NALF1: variants seen among roughly 807,000 people sequenced by gnomAD.
NALF1 encodes NALCN channel auxiliary factor 1, also known as family with sequence similarity 155 member A.
In NALF1, 3 loss-of-function variants were observed where a neutral mutation model predicts 48.4. That is an observed-to-expected ratio of 0.06 (90% CI 0.03 to 0.16). The LOEUF is 0.16. NALF1 is among the 10% of genes least tolerant of loss of function. The pLI is 1.00. For synonymous variants in NALF1, 262 were observed against 245.7 expected (o/e 1.07, Z -0.62); for missense variants, 526 against 571.5 (o/e 0.92, Z 0.81).
At chr13:107,723,818 C>T (rs1341613) in intron 1 of NALF1, among the ~76,000 whole-genome samples, 145,387 of 152,316 alleles carry the variant, frequency 0.95, 69,531 homozygotes, top group East Asian at 1. Flanking sequence ...ACAACTTTTA[C>T]CTAATTTTTT....
chr13:107,384,506 T>A (rs536538478), intron 1 of NALF1, among the ~76,000 whole-genome samples: 126 of 152,308 alleles, frequency 8.3e-4, no homozygotes, highest in African/African-American at 3.0e-3. Flanking sequence ...TGGTTTTTTT[T>A]ATTTTTTTGC....
chr13:107,710,390 C>T (rs1385490522), intron 1 of NALF1, among the ~76,000 whole-genome samples: 1 of 129,138 alleles, frequency 7.7e-6, no homozygotes, highest in Non-Finnish European at 1.7e-5. Context: ...CCCAGGAGAC[C>T]AGGTGTTCTG....
intron 1 of NALF1, among the ~76,000 whole-genome samples, chr13:107,226,023 G>A (rs1880096295): frequency 6.6e-6 from 1 of 151,958 alleles, no homozygotes; most frequent in East Asian, 1.9e-4. Flanking sequence ...CTTTTTTTTA[G>A]AACTATGGCT....
At chr13:107,531,846 T>C (rs1478665963) in intron 1 of NALF1, among the ~76,000 whole-genome samples, 1 of 152,170 alleles carries the variant, frequency 6.6e-6, no homozygotes, top group East Asian at 1.9e-4. Context: ...ATGTGAAGTA[T>C]TATCTACTGA....
intron 1 of NALF1, among the ~76,000 whole-genome samples, chr13:107,314,338 T>G (rs1882102763): frequency 6.6e-6 from 1 of 152,270 alleles, no homozygotes; most frequent in Middle Eastern, 3.4e-3. Context: ...TTCCATTTTT[T>G]CCTTGCCTTA....
chr13:107,818,125 T>C (rs1353143277), intron 1 of NALF1, among the ~76,000 whole-genome samples: 1 of 152,156 alleles, frequency 6.6e-6, no homozygotes, highest in Non-Finnish European at 1.5e-5. Context: ...TATGATGGCA[T>C]CGGAGGGACA....
At chr13:107,303,890 G>C (rs1881885815) in intron 1 of NALF1, among the ~76,000 whole-genome samples, 1 of 151,988 alleles carries the variant, frequency 6.6e-6, no homozygotes, top group Non-Finnish European at 1.5e-5. Flanking sequence ...AACTATGTCT[G>C]AAAGTATTTC....
chr13:107,531,716 T>C (rs1175454898), intron 1 of NALF1, among the ~76,000 whole-genome samples: 2 of 152,102 alleles, frequency 1.3e-5, no homozygotes, highest in African/African-American at 4.8e-5. Context: ...TCCACTTTTA[T>C]CTCAGTATGC....
chr13:107,843,907 G>A (rs574308006), intron 1 of NALF1, among the ~76,000 whole-genome samples: 12 of 152,236 alleles, frequency 7.9e-5, no homozygotes, highest in African/African-American at 1.9e-4. Flanking sequence ...TAACATAGAC[G>A]TTGCCCCTAA....
intron 1 of NALF1, among the ~76,000 whole-genome samples, chr13:107,803,932 T>C (rs1878695158): frequency 6.6e-6 from 1 of 152,170 alleles, no homozygotes; most frequent in Admixed American, 6.5e-5. Context: ...GCTTCTATTA[T>C]TTCGGCCCAA....
At chr13:107,255,638 T>A (rs1399647790) in intron 1 of NALF1, among the ~76,000 whole-genome samples, 2 of 152,246 alleles carry the variant, frequency 1.3e-5, no homozygotes, top group Non-Finnish European at 2.9e-5. Flanking sequence ...ACATTTATCA[T>A]GTTCTCAACA....
At chr13:107,688,263 G>C (rs936457302) in intron 1 of NALF1, among the ~76,000 whole-genome samples, 1 of 152,056 alleles carries the variant, frequency 6.6e-6, no homozygotes, top group Non-Finnish European at 1.5e-5. Flanking sequence ...TATTACATGT[G>C]GCCCCAAGTG....
chr13:107,636,244 C>G (rs911459829), intron 1 of NALF1, among the ~76,000 whole-genome samples: 15 of 152,072 alleles, frequency 9.9e-5, no homozygotes, highest in Non-Finnish European at 2.1e-4. Flanking sequence ...ATCCATTACC[C>G]AGAATAACTT....
At chr13:107,767,535 C>T (rs555634469) in intron 1 of NALF1, among the ~76,000 whole-genome samples, 152 of 152,222 alleles carry the variant, frequency 1.0e-3, no homozygotes, top group Non-Finnish European at 2.0e-3. Context: ...AATTAGAAGA[C>T]GACTGTATAC....
chr13:107,805,232 A>T (rs1441071214), intron 1 of NALF1, among the ~76,000 whole-genome samples: 1 of 152,208 alleles, frequency 6.6e-6, no homozygotes, highest in Non-Finnish European at 1.5e-5. Context: ...TAAATTTCAT[A>T]GGTCACTTCA....
At chr13:107,565,669 G>A (rs2138397176) in intron 1 of NALF1, among the ~76,000 whole-genome samples, 1 of 152,210 alleles carries the variant, frequency 6.6e-6, no homozygotes, top group South Asian at 2.1e-4. Context: ...TGCAAAATGA[G>A]ACCGTGCCCA....
chr13:107,592,609 A>C (rs2138418454), intron 1 of NALF1, among the ~76,000 whole-genome samples: 1 of 151,984 alleles, frequency 6.6e-6, no homozygotes, highest in South Asian at 2.1e-4. Context: ...ATGGCAAAAT[A>C]ACAGAATGCC....
chr13:107,404,790 A>G (rs1208236339), intron 1 of NALF1, among the ~76,000 whole-genome samples: 1 of 152,124 alleles, frequency 6.6e-6, no homozygotes, highest in East Asian at 1.9e-4. Flanking sequence ...ATATTGGGTG[A>G]ATAGTCCAGT....
chr13:107,404,875 C>T (rs569670221), intron 1 of NALF1, among the ~76,000 whole-genome samples: 7 of 152,098 alleles, frequency 4.6e-5, no homozygotes, highest in South Asian at 4.1e-4. Flanking sequence ...TAACTTGTGA[C>T]CTCAGTGTCC....
Sources: allele counts gnomAD v4.1 joint callset (sites outside exome capture counted in the v4.1 genomes callset), GRCh38; gene constraint gnomAD v4.1.1; transcripts MANE v1.5; gene names NCBI Gene and HGNC (gene_info 2026-07-23, HGNC 2026-07-21).